Variants in GRIA1 observed in about 807,000 individuals in gnomAD.
GRIA1 encodes glutamate receptor 1.
A neutral mutation model predicts 99.2 loss-of-function variants in GRIA1; 31 were observed. That is an observed-to-expected ratio of 0.31 (90% CI 0.23 to 0.42). The LOEUF is 0.42. Among genes scored for constraint, GRIA1 ranks in the 10% least tolerant of loss-of-function variants. The pLI, the probability that GRIA1 is intolerant of heterozygous loss-of-function variation, is 1.00. For synonymous variants in GRIA1, 438 were observed against 432.4 expected, an observed-to-expected ratio of 1.01 and a Z score of -0.16; for missense variants, 782 against 1,157.5, an observed-to-expected ratio of 0.68 and a Z score of 4.71.
At chr5:153,636,962 C>A (rs1368778851) in intron 2 of GRIA1, among the ~76,000 whole-genome samples, 1 of 152,212 alleles carries the variant, frequency 6.6e-6, no homozygotes, top group African/African-American at 2.4e-5. Flanking sequence ...CCAGCTCTGC[C>A]ACTCACCACA....
At chr5:153,547,975 C>T (rs1346101724) in intron 2 of GRIA1, among the ~76,000 whole-genome samples, 1 of 152,164 alleles carries the variant, frequency 6.6e-6, no homozygotes, top group Non-Finnish European at 1.5e-5. Context: ...AGATTTTTGA[C>T]ATACCCCATG....
chr5:153,797,160 C>T (rs1245224317), intron 14 of GRIA1, among the ~76,000 whole-genome samples: 1 of 152,226 alleles, frequency 6.6e-6, no homozygotes, highest in Non-Finnish European at 1.5e-5. Flanking sequence ...GCCCTAGAGA[C>T]TTTGGGCTCC....
At position 153,811,418 on chromosome 5, in the gene GRIA1, T is replaced by C; in HGVS notation, c.*193T>C. The C allele has an allele frequency of 1.8e-6, 1 of 563,338 alleles. No individual in the cohort carries two copies. Among genetic ancestry groups the C allele is most frequent in the Non-Finnish European group, 3.2e-6 (1 of 312,686 alleles). 34.9% of individuals were successfully genotyped at this position (563,338 alleles called of 1,614,324 possible). ...GCTGTCCCTTTTCCTTTTTTGATGT[T>C]CTTTCACCCTTTTCTGTTTGCTAAG... is the stretch of plus-strand genomic sequence containing the variant. On this transcript the variant is annotated 3_prime_UTR_variant, in exon 16 of 16. Coordinates refer to ENST00000285900, the MANE Select transcript of GRIA1 (RefSeq NM_000827.4).
At chr5:153,708,677 C>T (rs950475770) in intron 11 of GRIA1, among the ~76,000 whole-genome samples, 3 of 152,154 alleles carry the variant, frequency 2.0e-5, no homozygotes, top group Admixed American at 6.5e-5. Context: ...TTTGTCTAAA[C>T]TTCACTGGAA....
intron 2 of GRIA1, among the ~76,000 whole-genome samples, chr5:153,628,481 G>A (rs930921358): frequency 6.6e-6 from 1 of 152,186 alleles, no homozygotes; most frequent in Non-Finnish European, 1.5e-5. Flanking sequence ...ATTACAACAT[G>A]TTTAGTAATG....
At chr5:153,667,235 A>C (rs1219628068) in intron 5 of GRIA1, among the ~76,000 whole-genome samples, 1 of 152,106 alleles carries the variant, frequency 6.6e-6, no homozygotes, top group East Asian at 1.9e-4. Context: ...TGTTTAATAA[A>C]CCTTACTTGC....
chr5:153,624,391 A>G (rs1250350731), intron 2 of GRIA1, among the ~76,000 whole-genome samples: 1 of 152,182 alleles, frequency 6.6e-6, no homozygotes, highest in Non-Finnish European at 1.5e-5. Context: ...TCACCGCCCA[A>G]GGGCTGTGCC....
chr5:153,746,713 C>T (rs191693002), intron 11 of GRIA1, among the ~76,000 whole-genome samples: 8 of 152,214 alleles, frequency 5.3e-5, no homozygotes, highest in Admixed American at 2.0e-4. Flanking sequence ...TATTATGGGC[C>T]GTCCGGCAGG....
intron 13 of GRIA1, among the ~76,000 whole-genome samples, chr5:153,789,188 C>T (rs1194158871): frequency 6.6e-6 from 1 of 152,088 alleles, no homozygotes; most frequent in Non-Finnish European, 1.5e-5. Context: ...TCTTGACACA[C>T]TCCAGTTTGT....
intron 2 of GRIA1, among the ~76,000 whole-genome samples, chr5:153,546,355 G>C (rs1179403912): frequency 6.6e-6 from 1 of 152,164 alleles, no homozygotes; most frequent in Non-Finnish European, 1.5e-5. Flanking sequence ...TATGCACCTG[G>C]AGCTTTACAT....
In GRIA1 at chr5:153,726,230, C is replaced by T. The variant is rs1760515997; in HGVS notation, c.1823+20163C>T. The stretch of plus-strand genomic sequence containing the variant: ...ACAACATACCAGAATCTCTGGGACG[C>T]ATTCAAAGCAGTGTGTAGAGGGAAA... On this transcript the variant is annotated intron_variant, in intron 11 of 15. Transcript: ENST00000285900. Among the ~76,000 whole-genome samples, 5 of 149,748 alleles carry T rather than the reference C, an allele frequency of 3.3e-5. No homozygotes were observed. In the South Asian group the frequency reaches 1.1e-3, roughly 33 times the overall value.
intron 13 of GRIA1, among the ~76,000 whole-genome samples, chr5:153,791,921 A>AC (rs1476828560): frequency 1.3e-5 from 2 of 151,660 alleles, no homozygotes; most frequent in Non-Finnish European, 2.9e-5. Flanking sequence ...AAAAAAAAAA[A>AC]CTACACAGCA....
At chr5:153,665,305 G>A (rs757775103) in intron 5 of GRIA1, among the ~76,000 whole-genome samples, 4 of 152,244 alleles carry the variant, frequency 2.6e-5, no homozygotes, top group Non-Finnish European at 4.4e-5. Context: ...TATGAGGTAT[G>A]TCTGTTGGTG....
intron 15 of GRIA1, among the ~76,000 whole-genome samples, chr5:153,808,859 G>A (rs1032353442): frequency 6.6e-6 from 1 of 152,226 alleles, no homozygotes; most frequent in African/African-American, 2.4e-5. Flanking sequence ...CAGCTTCCTT[G>A]AATACCAACT....
chr5:153,595,204 A>G (rs569720829), intron 2 of GRIA1, among the ~76,000 whole-genome samples: 47 of 152,302 alleles, frequency 3.1e-4, no homozygotes, highest in Non-Finnish European at 5.3e-4. Context: ...GTTCCACATC[A>G]CATGCATCAG....
At chr5:153,784,461 G>C (rs140738330) in intron 13 of GRIA1, among the ~76,000 whole-genome samples, 4 of 152,302 alleles carry the variant, frequency 2.6e-5, no homozygotes, top group African/African-American at 7.2e-5. Context: ...CAAAGCCTCT[G>C]TCTTCTGCTG....
intron 13 of GRIA1, among the ~76,000 whole-genome samples, chr5:153,773,104 CATT>C (rs749073111): frequency 2.6e-5 from 4 of 152,198 alleles, no homozygotes; most frequent in Non-Finnish European, 5.9e-5. Flanking sequence ...TAAAAACCAT[CATT>C]GAGTCAGTGC....
intron 2 of GRIA1, among the ~76,000 whole-genome samples, chr5:153,554,641 C>T (rs1231071576): frequency 6.6e-6 from 1 of 152,086 alleles, no homozygotes; most frequent in Non-Finnish European, 1.5e-5. Context: ...TTACAGGTGC[C>T]CACCAGCATG....
At chr5:153,646,899 T>TA in intron 2 of GRIA1, 29 bp from the exon 3 acceptor site, 1 of 1,611,160 alleles carries the variant, frequency 6.2e-7, no homozygotes, top group Non-Finnish European at 8.5e-7. Flanking sequence ...TGCAGTCTTC[T>TA]ATTCATTAAT....
Sources: allele counts gnomAD v4.1 joint callset (sites outside exome capture counted in the v4.1 genomes callset), GRCh38; gene constraint gnomAD v4.1.1; transcripts MANE v1.5; gene names NCBI Gene and HGNC (gene_info 2026-07-23, HGNC 2026-07-21).